The following RERE variants were observed in gnomAD, a reference collection of about 807,000 sequenced individuals.
RERE encodes arginine-glutamic acid dipeptide repeats.
Under a neutral mutation model 146.1 loss-of-function variants are expected in RERE, and 40 were observed. The observed-to-expected ratio is 0.27, with a 90% CI of 0.21 to 0.36. The LOEUF (loss-of-function observed/expected upper bound fraction) is 0.36. Ranked by LOEUF, RERE falls within the 10% of genes least tolerant of loss-of-function variation. The pLI is 1.00. For synonymous variants in RERE, 1,003 were observed against 866.0 expected (o/e 1.16, Z -2.78); for missense variants, 1,933 against 2,138.7 (o/e 0.90, Z 1.90).
At chr1:8,502,605 G>T (rs1417532664) in intron 8 of RERE, among the ~76,000 whole-genome samples, 11 of 148,914 alleles carry the variant, frequency 7.4e-5, no homozygotes, top group African/African-American at 2.7e-4. Flanking sequence ...GGCTCATTGG[G>T]GATGGGCCAT....
intron 1 of RERE, among the ~76,000 whole-genome samples, chr1:8,795,734 G>T (rs1641457369): frequency 6.6e-6 from 1 of 152,144 alleles, no homozygotes; most frequent in Non-Finnish European, 1.5e-5. Flanking sequence ...TGTAATCCCA[G>T]CACTTTGGGA....
chr1:8,580,417 T>C (rs527467659), intron 4 of RERE, among the ~76,000 whole-genome samples: 3 of 152,364 alleles, frequency 2.0e-5, no homozygotes, highest in African/African-American at 7.2e-5. Context: ...AGTTCTAATG[T>C]ACTGCATAAT....
chr1:8,722,154 C>T (rs549912601), intron 1 of RERE, among the ~76,000 whole-genome samples: 1 of 152,328 alleles, frequency 6.6e-6, no homozygotes, highest in Non-Finnish European at 1.5e-5. Context: ...ATAAAGCCAA[C>T]TGAAATCTTT....
intron 8 of RERE, among the ~76,000 whole-genome samples, chr1:8,504,377 A>C (rs1331886654): frequency 6.6e-6 from 1 of 152,258 alleles, no homozygotes; most frequent in Non-Finnish European, 1.5e-5. Flanking sequence ...CTACTGGCCC[A>C]AAATGGATCT....
At chr1:8,816,888 T>C (rs1206517175) in intron 1 of RERE, among the ~76,000 whole-genome samples, 1 of 152,116 alleles carries the variant, frequency 6.6e-6, no homozygotes, top group African/African-American at 2.4e-5. Flanking sequence ...ATGAAATAGT[T>C]TAACCTCAAA....
intron 1 of RERE, among the ~76,000 whole-genome samples, chr1:8,768,980 G>A (rs1640896561): frequency 6.6e-6 from 1 of 152,138 alleles, no homozygotes; most frequent in Non-Finnish European, 1.5e-5. Context: ...GGCCACATCT[G>A]GACTGCAACC....
chr1:8,501,467 G>C (rs1645153593), intron 8 of RERE, among the ~76,000 whole-genome samples: 2 of 54,636 alleles, frequency 3.7e-5, no homozygotes, highest in African/African-American at 1.1e-4. Context: ...GAAGTGAGGA[G>C]CCCCTCTGCC....
At chr1:8,539,506 A>T (rs991025042) in intron 7 of RERE, among the ~76,000 whole-genome samples, 2 of 152,146 alleles carry the variant, frequency 1.3e-5, no homozygotes, top group African/African-American at 4.8e-5. Context: ...CCCGGGTTAA[A>T]GCAATTCTCC....
chr1:8,713,082 A>C (rs1293942702), intron 1 of RERE, among the ~76,000 whole-genome samples: 1 of 152,236 alleles, frequency 6.6e-6, no homozygotes, highest in Non-Finnish European at 1.5e-5. Flanking sequence ...TCTGAATCAT[A>C]AATCTTACAA....
chr1:8,477,250 G>A (rs934663736), intron 10 of RERE, among the ~76,000 whole-genome samples: 1 of 152,186 alleles, frequency 6.6e-6, no homozygotes, highest in African/African-American at 2.4e-5. Flanking sequence ...GCCGGGGCAG[G>A]AGGACTCCAC....
chr1:8,673,398 G>A (rs1227835675), intron 1 of RERE, among the ~76,000 whole-genome samples: 1 of 152,100 alleles, frequency 6.6e-6, no homozygotes, highest in Non-Finnish European at 1.5e-5. Context: ...GCCCAGCCAG[G>A]AGCTTAATTT....
chr1:8,803,434 C>A (rs1641625742), intron 1 of RERE, among the ~76,000 whole-genome samples: 1 of 152,034 alleles, frequency 6.6e-6, no homozygotes, highest in South Asian at 2.1e-4. Context: ...TGTGCCACTG[C>A]ACTCCAGCCT....
chr1:8,774,398 G>C (rs1476540465), intron 1 of RERE, among the ~76,000 whole-genome samples: 1 of 131,512 alleles, frequency 7.6e-6, no homozygotes, highest in Non-Finnish European at 1.6e-5. Context: ...TTGTTGCCCA[G>C]GCTGGAGTGC....
At chr1:8,419,542 T>G (rs1643865381) in intron 12 of RERE, among the ~76,000 whole-genome samples, 1 of 152,186 alleles carries the variant, frequency 6.6e-6, no homozygotes, top group South Asian at 2.1e-4. Flanking sequence ...AACAGGTAAC[T>G]TATTTTTATA....
At chr1:8,548,762 A>T (rs1645897741) in intron 6 of RERE, among the ~76,000 whole-genome samples, 1 of 152,102 alleles carries the variant, frequency 6.6e-6, no homozygotes, top group Admixed American at 6.5e-5. Context: ...AGGCGGGTGG[A>T]TCCGGAGGTC....
chr1:8,521,917 G>A (rs1645506636), intron 7 of RERE, among the ~76,000 whole-genome samples: 1 of 151,900 alleles, frequency 6.6e-6, no homozygotes, highest in African/African-American at 2.4e-5. Flanking sequence ...TGTCCAATAG[G>A]GAAAAAAATC....
chr1:8,426,497 C>T (rs1337510638), intron 11 of RERE, among the ~76,000 whole-genome samples: 1 of 151,662 alleles, frequency 6.6e-6, no homozygotes, highest in Non-Finnish European at 1.5e-5. Flanking sequence ...CTTTCCTGCT[C>T]ATGCTAGTGG....
intron 8 of RERE, 87 bp downstream of exon 8, chr1:8,508,540 T>G: frequency 1.9e-6 from 2 of 1,049,338 alleles, no homozygotes; most frequent in East Asian, 2.4e-5. Context: ...AATAACCACA[T>G]TCTAAGATGC....
chr1:8,730,076 T>A (rs138927729), intron 1 of RERE, among the ~76,000 whole-genome samples: 1 of 152,344 alleles, frequency 6.6e-6, no homozygotes, highest in African/African-American at 2.4e-5. Flanking sequence ...ATAGCTATGA[T>A]AATGTGTATG....
Sources: allele counts gnomAD v4.1 joint callset (sites outside exome capture counted in the v4.1 genomes callset), GRCh38; gene constraint gnomAD v4.1.1; transcripts MANE v1.5; gene names NCBI Gene and HGNC (gene_info 2026-07-23, HGNC 2026-07-21).